Variants in VWA8 observed in about 807,000 individuals in gnomAD.
VWA8 encodes von Willebrand factor A domain-containing protein 8.
VWA8 carries 221 observed loss-of-function variants against 241.5 expected under a neutral mutation model. The ratio of observed to expected loss-of-function variants is 0.91; its 90% CI spans 0.82 to 1.02. The LOEUF is 1.02. Ranked by LOEUF, VWA8 falls within the 50% of genes least tolerant of loss-of-function variation. The pLI, the probability that VWA8 is intolerant of heterozygous loss-of-function variation, is 0.00. For synonymous variants in VWA8, 852 were observed against 827.1 expected (o/e 1.03, Z -0.52); for missense variants, 2,322 against 2,328.7 (o/e 1.00, Z 0.06).
intron 37 of VWA8, among the ~76,000 whole-genome samples, chr13:41,660,027 T>C (rs753390905): frequency 9.2e-5 from 14 of 152,362 alleles, no homozygotes; most frequent in Non-Finnish European, 1.5e-4. Context: ...AAAAATGATA[T>C]TGATATAGGA....
chr13:41,597,157 T>C (rs1176556352), intron 40 of VWA8, among the ~76,000 whole-genome samples: 1 of 152,120 alleles, frequency 6.6e-6, no homozygotes, highest in Non-Finnish European at 1.5e-5. Flanking sequence ...TAACTGTAAA[T>C]GATGTTAGAG....
intron 17 of VWA8, among the ~76,000 whole-genome samples, chr13:41,795,921 C>G (rs1310010325): frequency 6.6e-6 from 1 of 151,832 alleles, no homozygotes; most frequent in African/African-American, 2.4e-5. Flanking sequence ...CCTGCACCTC[C>G]TGCACATGTA....
chr13:41,774,726 C>A (rs1868510839), intron 20 of VWA8, among the ~76,000 whole-genome samples: 1 of 151,950 alleles, frequency 6.6e-6, no homozygotes, highest in Non-Finnish European at 1.5e-5. Flanking sequence ...CAGAAAGACC[C>A]TAGAAAATAT....
chr13:41,638,938 A>C (rs1765505116), intron 37 of VWA8, among the ~76,000 whole-genome samples: 1 of 152,188 alleles, frequency 6.6e-6, no homozygotes, highest in Admixed American at 6.5e-5. Context: ...GAGGGAGGAA[A>C]GACAGGCCTT....
intron 9 of VWA8, among the ~76,000 whole-genome samples, chr13:41,874,151 C>A (rs1482787198): frequency 6.6e-6 from 1 of 151,628 alleles, no homozygotes; most frequent in Non-Finnish European, 1.5e-5. Context: ...ATGCTAAAAA[C>A]TCTCAATAAA....
At chr13:41,813,078 T>C (rs979488750) in intron 16 of VWA8, among the ~76,000 whole-genome samples, 3 of 152,144 alleles carry the variant, frequency 2.0e-5, no homozygotes, top group Non-Finnish European at 4.4e-5. Flanking sequence ...CTGGAAGGCT[T>C]GCTCTCAAAC....
At chr13:41,788,969 T>C (rs1310392885) in intron 17 of VWA8, among the ~76,000 whole-genome samples, 2 of 152,180 alleles carry the variant, frequency 1.3e-5, no homozygotes, top group African/African-American at 4.8e-5. Flanking sequence ...ATGGCACGGA[T>C]GCCTTCCCTT....
At chr13:41,910,451 G>A (rs1016561469) in intron 3 of VWA8, among the ~76,000 whole-genome samples, 5 of 151,992 alleles carry the variant, frequency 3.3e-5, no homozygotes, top group African/African-American at 1.2e-4. Context: ...CGGGTGTGGT[G>A]GCATGCGTCA....
chr13:41,671,401 A>T (rs1454467763), intron 36 of VWA8, among the ~76,000 whole-genome samples: 1 of 152,194 alleles, frequency 6.6e-6, no homozygotes, highest in Non-Finnish European at 1.5e-5. Flanking sequence ...AAAAACCAGA[A>T]AGACTATTTT....
At chr13:41,610,378 A>AGAGCAAATTCAGGC (rs1250057923) in intron 39 of VWA8, among the ~76,000 whole-genome samples, 3 of 152,228 alleles carry the variant, frequency 2.0e-5, no homozygotes, top group Non-Finnish European at 4.4e-5. Context: ...TATTTCCAGA[A>AGAGCAAATTCAGGC]GAGCAAATTC....
chr13:41,637,505 T>C (rs1453622160), intron 37 of VWA8, among the ~76,000 whole-genome samples: 1 of 151,460 alleles, frequency 6.6e-6, no homozygotes, highest in African/African-American at 2.4e-5. Flanking sequence ...GTGGCACATG[T>C]ATACATACGT....
Position 41,816,731 on chromosome 13 carries a change from A to G in VWA8, c.1914T>C (p.Phe638=), listed in dbSNP as rs1566468715. The change falls in exon 16 of 45, where the codon TTT becomes TTC. Residue 638 remains phenylalanine, a synonymous_variant. Coordinates refer to ENST00000379310, the MANE Select transcript of VWA8 (RefSeq NM_015058.2). ...CCTGTGTTTCTCTGAGTTTGTGTGT[A>G]AATGATAATAACTTATCCAGAGCTT... ...PQEALDKLLS[F]THKLRETQDP... 6.2e-7 allele frequency: 1 copy of G among 1,613,788 alleles called. No homozygotes were observed. Among genetic ancestry groups the G allele is most frequent in the Non-Finnish European group, 8.5e-7 (1 of 1,179,824 alleles).
intron 2 of VWA8, among the ~76,000 whole-genome samples, chr13:41,913,160 C>A (rs552592170): frequency 6.6e-6 from 1 of 151,732 alleles, no homozygotes; most frequent in Admixed American, 6.6e-5. Flanking sequence ...TGTATAATAC[C>A]ATTTTAATAA....
chr13:41,950,376 T>G (rs994268503), intron 1 of VWA8, among the ~76,000 whole-genome samples: 9 of 152,116 alleles, frequency 5.9e-5, no homozygotes, highest in African/African-American at 1.7e-4. Context: ...TCTTTTTTTT[T>G]TTTTGTTTTT....
intron 3 of VWA8, among the ~76,000 whole-genome samples, chr13:41,907,978 G>C (rs141015629): frequency 1.8e-4 from 28 of 152,122 alleles, no homozygotes; most frequent in African/African-American, 5.5e-4. Flanking sequence ...TTTTCCTGTA[G>C]AATTATTTCC....
intron 12 of VWA8, among the ~76,000 whole-genome samples, chr13:41,853,055 C>A (rs1434792246): frequency 6.6e-6 from 1 of 151,956 alleles, no homozygotes; most frequent in African/African-American, 2.4e-5. Context: ...TTAGTGTTTT[C>A]TATATATAAG....
chr13:41,906,097 C>A (rs1419430907), intron 4 of VWA8, among the ~76,000 whole-genome samples: 1 of 152,006 alleles, frequency 6.6e-6, no homozygotes, highest in Non-Finnish European at 1.5e-5. Flanking sequence ...TGAAAGCCAT[C>A]ATTTAAGGTA....
chr13:41,946,629 T>C (rs746723368), intron 2 of VWA8, among the ~76,000 whole-genome samples: 2 of 150,356 alleles, frequency 1.3e-5, no homozygotes, highest in Non-Finnish European at 3.0e-5. Flanking sequence ...TTAGAATCCC[T>C]AGGATGACCA....
At chr13:41,764,230 T>G (rs1260361736) in intron 20 of VWA8, among the ~76,000 whole-genome samples, 1 of 152,176 alleles carries the variant, frequency 6.6e-6, no homozygotes, top group Non-Finnish European at 1.5e-5. Flanking sequence ...AAAACGTCAT[T>G]AGGATCTTTG....
Sources: allele counts gnomAD v4.1 joint callset (sites outside exome capture counted in the v4.1 genomes callset), GRCh38; gene constraint gnomAD v4.1.1; transcripts MANE v1.5; gene names NCBI Gene and HGNC (gene_info 2026-07-23, HGNC 2026-07-21).